The following PGAP4 variants were observed in gnomAD, a reference collection of about 807,000 sequenced individuals.
PGAP4 encodes the protein post-GPI attachment to proteins GalNAc transferase 4.
Under a neutral mutation model 28.2 loss-of-function variants are expected in PGAP4, and 12 were observed. That is an observed-to-expected ratio of 0.42 (90% confidence interval 0.27 to 0.69). The LOEUF is 0.69. Ranked by LOEUF, PGAP4 falls within the 30% of genes least tolerant of loss-of-function variation. The probability of loss-of-function intolerance (pLI) is 0.22; values close to 1 mark genes in which losing one functional copy is unlikely to be tolerated. For synonymous variants in PGAP4, 205 were observed against 211.8 expected, an observed-to-expected ratio of 0.97 and a Z score of 0.28; for missense variants, 425 against 513.5, an observed-to-expected ratio of 0.83 and a Z score of 1.67.
intron 1 of PGAP4, chr9:101,532,649 G>A (rs146679290): frequency 2.0e-5 from 3 of 152,310 alleles, no homozygotes; most frequent in Non-Finnish European, 4.4e-5. Flanking sequence ...CTCATACAAT[G>A]CTTTTCGGCA....
At chr9:101,513,544 G>A (rs1008526470) in intron 2 of PGAP4, among the ~76,000 whole-genome samples, 3 of 152,166 alleles carry the variant, frequency 2.0e-5, no homozygotes, top group African/African-American at 7.2e-5. Flanking sequence ...GTGCCCTGTT[G>A]TAGCTACAAT....
chr9:101,518,293 C>T lies in PGAP4; in HGVS notation c.-165+13055G>A, dbSNP rs1002212211. Among the ~76,000 whole-genome samples the T allele has an allele frequency of 8.6e-4, 131 of 151,930 alleles. 2 individuals are homozygous for T. Among genetic ancestry groups the T allele is most frequent in the Middle Eastern group, 3.2e-3 (1 of 316 alleles). On this transcript the variant is annotated intron_variant, in intron 2 of 3. Coordinates refer to the PGAP4 transcript ENST00000374851. ...TTTATCCAGTCCATCGATCTTTTTT[C>T]CCTAAGTTATTGGGGGTACAGGTGG...
rs113271466 is a variant in PGAP4, at chr9:101,501,646, G to A, written c.-164-12446C>T. 1.1e-3 allele frequency: 564 copies of A among 502,148 alleles called. 4 individuals are homozygous for A. The highest frequency in any genetic ancestry group is 8.7e-3 in the African/African-American group (450 of 51,672). The allele number at this position is 502,148 out of a possible 1,614,324, so 31.1% of individuals were successfully genotyped here. A position where few individuals can be genotyped will look rare whatever the true frequency, so the allele number is the denominator to read the frequency against. On this transcript the variant is annotated intron_variant, in intron 2 of 3. Coordinates refer to the PGAP4 transcript ENST00000374851. ...GCTTTATAGTGAAACATTTCATTTA[G>A]AAATCTGGACCTTCTTTCTTCAGTT...
At chr9:101,519,221 A>G (rs59263488) in intron 2 of PGAP4, among the ~76,000 whole-genome samples, 23,870 of 151,920 alleles carry the variant, frequency 0.16, 2,373 homozygotes, top group East Asian at 0.36. Flanking sequence ...GCAATGGTGC[A>G]ATCTCCGCTC....
At chr9:101,490,735 C>T (rs1256387852), upstream of PGAP4, among the ~76,000 whole-genome samples, 1 of 152,184 alleles carries the variant, frequency 6.6e-6, no homozygotes, top group African/African-American at 2.4e-5. Flanking sequence ...CAGTTTCCAG[C>T]TCAATAGGCT....
chr9:101,480,773 C>T (rs1364533064), intron 1 of PGAP4: 1 of 152,226 alleles, frequency 6.6e-6, no homozygotes, highest in Non-Finnish European at 1.5e-5. Context: ...GGAGTATGTT[C>T]TTGTTTACTT....
At chr9:101,514,860 T>C (rs1564101314) in intron 2 of PGAP4, among the ~76,000 whole-genome samples, 1 of 152,276 alleles carries the variant, frequency 6.6e-6, no homozygotes, top group East Asian at 1.9e-4. Flanking sequence ...GACTTTATAC[T>C]GATGTGGTAT....
At chr9:101,481,111 G>A (rs952720204) in intron 1 of PGAP4, among the ~76,000 whole-genome samples, 2 of 152,170 alleles carry the variant, frequency 1.3e-5, no homozygotes, top group Non-Finnish European at 2.9e-5. Flanking sequence ...CCAGCAGGTC[G>A]AGGCCGCAGT....
chr9:101,490,436 C>T (rs1276609802), upstream of PGAP4, among the ~76,000 whole-genome samples: 3 of 152,022 alleles, frequency 2.0e-5, no homozygotes, highest in East Asian at 1.9e-4. Flanking sequence ...GTGATCTGCC[C>T]GCCTCAGCCT....
At chr9:101,477,928 G>A (rs958537979) in intron 1 of PGAP4, among the ~76,000 whole-genome samples, 7 of 151,920 alleles carry the variant, frequency 4.6e-5, no homozygotes, top group Non-Finnish European at 1.0e-4. Flanking sequence ...AGCGGGGGGG[G>A]AAAGGCAGAG....
intron 2 of PGAP4, among the ~76,000 whole-genome samples, chr9:101,504,085 G>A (rs1337911268): frequency 3.3e-5 from 5 of 151,666 alleles, no homozygotes; most frequent in Non-Finnish European, 7.4e-5. Flanking sequence ...ATCAGAAAGG[G>A]ACCAATCAAC....
intron 2 of PGAP4, among the ~76,000 whole-genome samples, chr9:101,497,917 T>C (rs117795426): frequency 6.6e-6 from 1 of 151,908 alleles, no homozygotes; most frequent in Non-Finnish European, 1.5e-5. Context: ...AAAGAGCTTA[T>C]AGTTTTTATT....
At chr9:101,525,401 T>A (rs558045167) in intron 2 of PGAP4, among the ~76,000 whole-genome samples, 29 of 152,116 alleles carry the variant, frequency 1.9e-4, no homozygotes, top group Non-Finnish European at 4.1e-4. Context: ...TTAAATGTTT[T>A]TTTTTTCCTA....
chr9:101,504,100 G>A (rs910864128), intron 2 of PGAP4, among the ~76,000 whole-genome samples: 4 of 151,624 alleles, frequency 2.6e-5, no homozygotes, highest in Admixed American at 2.6e-4. Flanking sequence ...ATCAACCTGA[G>A]CCAGCATGAT....
rs112147414 is a variant in PGAP4 at position 101,530,337 on chromosome 9, AG to A, written c.-165+1010del. 5.3e-3 allele frequency among the ~76,000 whole-genome samples: 811 copies of A among 152,314 alleles called. 7 individuals carry two copies. The highest frequency in any genetic ancestry group is 0.031 in the Middle Eastern group (9 of 294). ...TGGGTAGTTAATGAAGACCGGCTGG[AG>A]GTCGAATGACTTGGGTCCTTCAACA... On this transcript the variant is annotated intron_variant, in intron 2 of 3. Transcript: ENST00000374851.
rs1826910526 is a variant in PGAP4 at position 101,513,069 on chromosome 9, C to G, written c.-165+18279G>C. Among the ~76,000 whole-genome samples the G allele has an allele frequency of 2.0e-5, 3 of 152,140 alleles. No homozygotes were observed. In the South Asian group the frequency reaches 6.2e-4, roughly 31 times the overall value. ...TGTCACTAGTCATAGGCAGAAACAT[C>G]TTTTTTTATAAGAAATTTTAACCCT... On this transcript the variant is annotated intron_variant, in intron 2 of 3. Coordinates refer to the PGAP4 transcript ENST00000374851.
chr9:101,522,136 T>C (rs1826993975), intron 2 of PGAP4, among the ~76,000 whole-genome samples: 1 of 152,220 alleles, frequency 6.6e-6, no homozygotes, highest in Non-Finnish European at 1.5e-5. Flanking sequence ...GTCTATCATA[T>C]AGTCTGTCTT....
At chr9:101,506,949 C>T (rs918703304) in intron 2 of PGAP4, among the ~76,000 whole-genome samples, 1 of 152,090 alleles carries the variant, frequency 6.6e-6, no homozygotes, top group African/African-American at 2.4e-5. Context: ...TTCCCATTTT[C>T]CCGTGGTTCC....
chr9:101,508,555 G>A (rs1826869032), intron 2 of PGAP4, among the ~76,000 whole-genome samples: 1 of 152,050 alleles, frequency 6.6e-6, no homozygotes, highest in Admixed American at 6.6e-5. Context: ...TCCACCCTGT[G>A]AGGTCTGTTA....
Sources: gnomAD v4.1 joint callset for allele counts (sites outside exome capture counted in the v4.1 genomes callset) on GRCh38, gnomAD v4.1.1 for gene constraint, MANE v1.5 for transcripts, NCBI Gene and HGNC (gene_info 2026-07-23, HGNC 2026-07-21) for gene names.